TRPC5: variants seen among roughly 807,000 people sequenced by gnomAD.
The protein encoded by TRPC5 is short transient receptor potential channel 5.
Under a neutral mutation model 56.5 loss-of-function variants are expected in TRPC5, and 9 were observed. The observed-to-expected ratio is 0.16, with a 90% CI of 0.10 to 0.28. TRPC5 has a LOEUF of 0.28. TRPC5 is among the 10% of genes least tolerant of loss of function. The pLI is 1.00. For synonymous variants in TRPC5, 282 were observed against 278.5 expected, an observed-to-expected ratio of 1.01 and a Z score of -0.13; for missense variants, 469 against 748.9, an observed-to-expected ratio of 0.63 and a Z score of 4.36.
Position 111,985,505 on chromosome X carries a change from T to C in TRPC5, c.-21-33064A>G, listed in dbSNP as rs146427309. On this transcript the variant is annotated intron_variant, in intron 1 of 10. Transcript: ENST00000262839. Reference sequence around the variant, plus strand: ...CCTTGGTAAAAGGTCATAGGCCCCATTGGGGAAGGCTGGGATAAAGATTAA... The same window carrying C: ...CCTTGGTAAAAGGTCATAGGCCCCACTGGGGAAGGCTGGGATAAAGATTAA... Among the ~76,000 whole-genome samples, 904 of 112,190 alleles carry C rather than the reference T, an allele frequency of 8.1e-3. 9 individuals are homozygous for C. Among genetic ancestry groups the C allele is most frequent in the African/African-American group, 0.027 (848 of 30,899 alleles).
At chrX:111,838,554 A>C (rs1156719374) in intron 6 of TRPC5, among the ~76,000 whole-genome samples, 2 of 111,689 alleles carry the variant, frequency 1.8e-5, no homozygotes, top group Non-Finnish European at 3.8e-5. Context: ...ACAAAGGACT[A>C]TCTTTTCAAT....
At chrX:112,009,266 G>GT (rs1228147765) in intron 1 of TRPC5, among the ~76,000 whole-genome samples, 1 of 111,686 alleles carries the variant, frequency 9.0e-6, no homozygotes, top group East Asian at 2.8e-4. Context: ...CCGGGAAGGA[G>GT]TAAAGTCTGT....
intron 1 of TRPC5, among the ~76,000 whole-genome samples, chrX:111,977,796 A>G: frequency 1.8e-5 from 2 of 112,150 alleles, no homozygotes; most frequent in Middle Eastern, 4.6e-3. Context: ...CCAATTAAAA[A>G]ATGGGCAAAG....
intron 3 of TRPC5, among the ~76,000 whole-genome samples, chrX:111,869,237 T>G (rs748640196): frequency 9.0e-6 from 1 of 111,064 alleles, no homozygotes; most frequent in South Asian, 3.9e-4. Context: ...AGATAATGAT[T>G]GGAAATAGCC....
chrX:112,065,967 T>C (rs1395799505), intron 1 of TRPC5, among the ~76,000 whole-genome samples: 1 of 108,790 alleles, frequency 9.2e-6, no homozygotes, highest in Non-Finnish European at 1.9e-5. Flanking sequence ...TCTCCAAAGG[T>C]ACCTCTGGCT....
chrX:111,892,133 C>T (rs1011837707), intron 3 of TRPC5, among the ~76,000 whole-genome samples: 1 of 111,942 alleles, frequency 8.9e-6, no homozygotes, highest in African/African-American at 3.2e-5. Context: ...TAGAGGAGGC[C>T]ACAACTGGTG....
intron 1 of TRPC5, among the ~76,000 whole-genome samples, chrX:111,998,002 C>T (rs1334993810): frequency 2.7e-5 from 3 of 111,479 alleles, no homozygotes; most frequent in Non-Finnish European, 5.6e-5. Context: ...GTCAACTCAT[C>T]GAAGTCATTC....
At chrX:111,845,503 A>G (rs925398186) in intron 6 of TRPC5, among the ~76,000 whole-genome samples, 9 of 111,860 alleles carry the variant, frequency 8.0e-5, no homozygotes, top group Non-Finnish European at 1.7e-4. Context: ...GGGTGTTAAT[A>G]ATCATTACAA....
chrX:111,833,743 G>A (rs1166323181), intron 7 of TRPC5, among the ~76,000 whole-genome samples: 2 of 110,498 alleles, frequency 1.8e-5, no homozygotes, highest in Non-Finnish European at 3.8e-5. Context: ...GTGTGTGTGT[G>A]TGCATATATA....
In TRPC5 at chrX:111,813,628, A is replaced by G. The variant is rs749989700; in HGVS notation, c.1896+21293T>C. ...TGTTTAGCAAATTGGAAAACTTTAT[A>G]ACCTAATACAAAGGGAGAGTGGCAG... is the stretch of plus-strand genomic sequence containing the variant. On this transcript the variant is annotated intron_variant, in intron 7 of 10. Transcript: ENST00000262839. Among the ~76,000 whole-genome samples, 4 of 112,615 alleles carry G rather than the reference A, an allele frequency of 3.6e-5. No individual in the cohort carries two copies. In the South Asian group the frequency reaches 1.5e-3, roughly 41 times the overall value.
At chrX:111,788,113 AAG>A (rs1195830728) in intron 7 of TRPC5, among the ~76,000 whole-genome samples, 1 of 111,974 alleles carries the variant, frequency 8.9e-6, no homozygotes, top group Non-Finnish European at 1.9e-5. Context: ...ACAACAAAAA[AAG>A]AGAATTTCAG....
intron 1 of TRPC5, among the ~76,000 whole-genome samples, chrX:111,963,021 C>T (rs774083424): frequency 3.6e-5 from 4 of 111,928 alleles, no homozygotes; most frequent in East Asian, 5.7e-4. Flanking sequence ...CGAAGCAGGG[C>T]GAGGCATTGC....
chrX:111,885,244 A>G (rs961039472), intron 3 of TRPC5, among the ~76,000 whole-genome samples: 3 of 112,659 alleles, frequency 2.7e-5, no homozygotes, highest in Non-Finnish European at 3.7e-5. Context: ...AATGTGTAGC[A>G]AGGGCCTGGG....
At chrX:111,822,249 C>G (rs940332092) in intron 7 of TRPC5, among the ~76,000 whole-genome samples, 1 of 111,076 alleles carries the variant, frequency 9.0e-6, no homozygotes, top group African/African-American at 3.3e-5. Flanking sequence ...CTTGCTTGGT[C>G]ACATGGGAAA....
intron 7 of TRPC5, among the ~76,000 whole-genome samples, chrX:111,784,554 A>T (rs943251695): frequency 8.9e-6 from 1 of 111,853 alleles, no homozygotes; most frequent in Admixed American, 9.4e-5. Context: ...TAACTGGTTC[A>T]TCTCATTGGG....
chrX:112,058,253 A>C (rs1455345815), intron 1 of TRPC5, among the ~76,000 whole-genome samples: 1 of 112,396 alleles, frequency 8.9e-6, no homozygotes, highest in Non-Finnish European at 1.9e-5. Flanking sequence ...CAGGATGAGA[A>C]GCAAGCCAAA....
chrX:112,053,216 G>C (rs1466108176), intron 1 of TRPC5, among the ~76,000 whole-genome samples: 1 of 112,131 alleles, frequency 8.9e-6, no homozygotes, highest in Non-Finnish European at 1.9e-5. Flanking sequence ...GAGTTTACTC[G>C]TGGGTATACA....
intron 5 of TRPC5, among the ~76,000 whole-genome samples, chrX:111,851,458 G>C (rs1419622597): frequency 9.1e-6 from 1 of 110,454 alleles, no homozygotes; most frequent in Non-Finnish European, 1.9e-5. Context: ...CAAACATGAA[G>C]CTATTTTCAG....
chrX:111,811,784 T>C (rs1171483117), intron 7 of TRPC5, among the ~76,000 whole-genome samples: 1 of 111,458 alleles, frequency 9.0e-6, no homozygotes, highest in Non-Finnish European at 1.9e-5. Context: ...CCCTGGTATG[T>C]AGTAAGAGCT....
Sources: gnomAD v4.1 joint callset for allele counts (sites outside exome capture counted in the v4.1 genomes callset) on GRCh38, gnomAD v4.1.1 for gene constraint, MANE v1.5 for transcripts, NCBI Gene and HGNC (gene_info 2026-07-23, HGNC 2026-07-21) for gene names.